The following FUCA1 variants were observed in gnomAD, a reference collection of about 807,000 sequenced individuals.
FUCA1 encodes the protein tissue alpha-L-fucosidase.
In FUCA1, 52 loss-of-function variants were observed where a neutral mutation model predicts 56.8. That is an observed-to-expected ratio of 0.92 (90% CI 0.73 to 1.15). The LOEUF is 1.15. Among genes scored for constraint, FUCA1 ranks in the 50% most tolerant of loss-of-function variants. The probability of loss-of-function intolerance (pLI) is 0.00; values close to 1 mark genes in which losing one functional copy is unlikely to be tolerated. For synonymous variants in FUCA1, 230 were observed against 226.6 expected, an observed-to-expected ratio of 1.02 and a Z score of -0.14; for missense variants, 568 against 592.6, an observed-to-expected ratio of 0.96 and a Z score of 0.43.
chr1:23,860,781 G>T (rs1639494115), intron 3 of FUCA1, among the ~76,000 whole-genome samples: 1 of 151,410 alleles, frequency 6.6e-6, no homozygotes, highest in African/African-American at 2.4e-5. Context: ...TGGGATTACA[G>T]GTGTGCACCA....
chr1:23,853,234 G>T (rs1339220270), intron 5 of FUCA1, among the ~76,000 whole-genome samples: 3 of 150,658 alleles, frequency 2.0e-5, no homozygotes, highest in African/African-American at 7.4e-5. Flanking sequence ...GAAACCCTCC[G>T]CCTGGCAACC....
chr1:23,863,308 C>T, intron 2 of FUCA1, 37 bp from the exon 3 acceptor site: 1 of 1,602,150 alleles, frequency 6.2e-7, no homozygotes, highest in Non-Finnish European at 8.5e-7. Flanking sequence ...TGTCATTAAG[C>T]ATAGAACAAA....
chr1:23,856,612 A>G (rs1048261775), intron 4 of FUCA1, among the ~76,000 whole-genome samples: 2 of 152,216 alleles, frequency 1.3e-5, no homozygotes, highest in African/African-American at 4.8e-5. Flanking sequence ...AGGAGAATCT[A>G]CAGTCCCCAT....
chr1:23,854,824 C>T (rs1639358590), intron 4 of FUCA1, among the ~76,000 whole-genome samples: 1 of 152,096 alleles, frequency 6.6e-6, no homozygotes, highest in Non-Finnish European at 1.5e-5. Flanking sequence ...GCCCCCACAG[C>T]AAAGAAATAT....
chr1:23,849,575 CT>C (rs991049814), intron 5 of FUCA1, among the ~76,000 whole-genome samples: 100 of 80,262 alleles, frequency 1.2e-3, no homozygotes, highest in African/African-American at 2.5e-3. Flanking sequence ...GAGATACGTT[CT>C]TTTTTTTTTT....
At chr1:23,852,872 G>C (rs999584350) in intron 5 of FUCA1, among the ~76,000 whole-genome samples, 4 of 151,982 alleles carry the variant, frequency 2.6e-5, no homozygotes, top group Admixed American at 2.0e-4. Context: ...AAAGTGCCGA[G>C]ATTGCAGCCT....
At position 23,845,410 on chromosome 1, in the gene FUCA1, T is replaced by G. The variant is rs2148436679; in HGVS notation, c.*305A>C. The G allele has an allele frequency of 1.2e-5, 5 of 414,662 alleles. No homozygotes were observed. Among genetic ancestry groups the G allele is most frequent in the South Asian group, 1.1e-4 (5 of 46,834 alleles). 25.7% of individuals were successfully genotyped at this position (414,662 alleles called of 1,614,324 possible). On this transcript the variant is annotated 3_prime_UTR_variant, in exon 8 of 8. Coordinates refer to ENST00000374479, the MANE Select transcript of FUCA1 (RefSeq NM_000147.5). Reference sequence around the variant, plus strand: ...AAAGGCATTGAGTAAGCAAGTAGGTTATCAGAGAACAGAGGGAAGATTCCA... The same window carrying G: ...AAAGGCATTGAGTAAGCAAGTAGGTGATCAGAGAACAGAGGGAAGATTCCA...
At chr1:23,848,597 T>G (rs1415922197) in intron 6 of FUCA1, 52 bp downstream of exon 6, 3 of 1,565,952 alleles carry the variant, frequency 1.9e-6, no homozygotes, top group Non-Finnish European at 1.8e-6. Context: ...GAGATACCAG[T>G]TCCGGATGGG....
rs1267309141 is a variant in FUCA1, at chr1:23,859,882, CCAGAT to C, written c.679_683del (p.Ile227ValfsTer2). On this transcript the variant is annotated frameshift_variant, in exon 4 of 8. Transcript: ENST00000374479. LOFTEE classifies it high-confidence loss of function. ...CAGGACATTCCCACTCCCCATCAGA[CCAGAT>C]CAGATCAGGTTTATAGCTGGAAGAC... 5.6e-6 allele frequency: 9 copies of C among 1,611,506 alleles called. No homozygotes were observed. The highest frequency in any genetic ancestry group is 7.6e-6 in the Non-Finnish European group (9 of 1,177,804).
chr1:23,864,706 CT>C (rs563678936), intron 2 of FUCA1, among the ~76,000 whole-genome samples: 16,653 of 138,254 alleles, frequency 0.12, 879 homozygotes, highest in East Asian at 0.21. Context: ...TGTCTTTTTT[CT>C]TTTTTTTTTT....
chr1:23,860,474 C>T (rs1319099960), intron 3 of FUCA1, among the ~76,000 whole-genome samples: 3 of 151,284 alleles, frequency 2.0e-5, no homozygotes, highest in Non-Finnish European at 2.9e-5. Context: ...TTCCCAGCTA[C>T]TCGGGAGGCT....
At chr1:23,850,459 CTTATT>C (rs1434836493) in intron 5 of FUCA1, among the ~76,000 whole-genome samples, 1 of 151,386 alleles carries the variant, frequency 6.6e-6, no homozygotes, top group Non-Finnish European at 1.5e-5. Flanking sequence ...TAATATGTAA[CTTATT>C]TTATTTATTT....
At chr1:23,864,222 G>T (rs1480759773) in intron 2 of FUCA1, among the ~76,000 whole-genome samples, 1 of 151,534 alleles carries the variant, frequency 6.6e-6, no homozygotes, top group Admixed American at 6.6e-5. Flanking sequence ...AAGTAGCTGA[G>T]ACTACAGGTG....
chr1:23,852,053 A>G, intron 5 of FUCA1, among the ~76,000 whole-genome samples: 1 of 144,574 alleles, frequency 6.9e-6, no homozygotes, highest in African/African-American at 2.5e-5. Context: ...AAATAATTAA[A>G]ATCAATCATA....
At chr1:23,852,100 T>TAATAATAATAATAATAATA (rs370893792) in intron 5 of FUCA1, among the ~76,000 whole-genome samples, 14 of 149,784 alleles carry the variant, frequency 9.3e-5, no homozygotes, top group African/African-American at 3.4e-4. Context: ...ATAATAATAA[T>TAATAATAATAATAATAATA]AAAAAGTGGT....
rs149540896 is a variant in FUCA1 at position 23,863,264 on chromosome 1, G to A, written c.532C>T (p.Arg178Cys). ...AAGAGTGAGTGGTATAGTCCATAGC[G>A]GATGTTCCTTAAACAGAAAAACAGA... Reference protein sequence around the residue: ...LGTALRKRNIRYGLYHSLLEW... With the variant: ...LGTALRKRNICYGLYHSLLEW... Residue 178 changes from arginine to cysteine, a missense_variant, in exon 3 of 8, where the codon CGC (arginine) becomes TGC (cysteine). Arg to Cys is a radical substitution (Grantham distance 180). Transcript: ENST00000374479. 1.5e-4 allele frequency: 238 copies of A among 1,612,796 alleles called. No individual in the cohort carries two copies. In the South Asian group the frequency reaches 2.4e-3, roughly 17 times the overall value.
chr1:23,865,797 T>C (rs1007791652), intron 1 of FUCA1, among the ~76,000 whole-genome samples, 172 bp from the exon 2 acceptor site: 1 of 152,106 alleles, frequency 6.6e-6, no homozygotes, highest in African/African-American at 2.4e-5. Flanking sequence ...ACAATTCCCC[T>C]TGGGCATTGC....
rs187764671 is a variant in FUCA1, at chr1:23,861,179, C to G, written c.663-1276G>C. ...TCTACTAAAAATACAAAAAATTAGC[C>G]GGGCATGGTGGCGGGCGCCTGTAGT... On this transcript the variant is annotated intron_variant, in intron 3 of 7. Transcript: ENST00000374479. Among the ~76,000 whole-genome samples the G allele has an allele frequency of 8.6e-5, 13 of 151,602 alleles. No homozygotes were observed. The East Asian group carries it at 2.6e-3, about 30-fold the overall frequency.
rs147866670 is a variant in FUCA1, at chr1:23,845,757, G to A, written c.1359C>T (p.Pro453=). The A allele has an allele frequency of 4.6e-5, 74 of 1,614,090 alleles. No homozygotes were observed. The highest frequency in any genetic ancestry group is 3.9e-4 in the African/African-American group (29 of 75,016). The change falls in exon 8 of 8, where the codon CCC becomes CCT. Residue 453 remains proline (P), a synonymous_variant. Coordinates refer to ENST00000374479, the MANE Select transcript of FUCA1 (RefSeq NM_000147.5). ...GCTTTATAGTCCAAGCAAACTCTGCGGGGACAGCAGAGGGTGGCAACTGGG... is the reference window on the plus strand; with the variant it reads ...GCTTTATAGTCCAAGCAAACTCTGCAGGGACAGCAGAGGGTGGCAACTGGG... ...SLPQLPPSAV[P]AEFAWTIKLT... is the part of the protein sequence containing the mutation.
Sources: gnomAD v4.1 joint callset for allele counts (sites outside exome capture counted in the v4.1 genomes callset) on GRCh38, gnomAD v4.1.1 for gene constraint, MANE v1.5 for transcripts, NCBI Gene and HGNC (gene_info 2026-07-23, HGNC 2026-07-21) for gene names.